Variants in SPTBN5 observed in about 807,000 individuals in gnomAD.
The protein encoded by SPTBN5 is spectrin beta, non-erythrocytic 5.
Under a neutral mutation model 477.6 loss-of-function variants are expected in SPTBN5, and 513 were observed. That is an observed-to-expected ratio of 1.07 (90% CI 1.00 to 1.16). SPTBN5 has a LOEUF of 1.16. Among genes scored for constraint, SPTBN5 ranks in the 50% most tolerant of loss-of-function variants. The pLI is 0.00. For synonymous variants in SPTBN5, 2,169 were observed against 2,011.7 expected, an observed-to-expected ratio of 1.08 and a Z score of -2.09; for missense variants, 5,062 against 4,731.8, an observed-to-expected ratio of 1.07 and a Z score of -2.05.
At chr15:41,887,846 G>T in intron 5 of SPTBN5, 82 bp downstream of exon 5, 1 of 1,396,706 alleles carries the variant, frequency 7.2e-7, no homozygotes. Context: ...TAGGGATGTG[G>T]GAGAACGGGT....
chr15:41,857,284 A>AGT lies in SPTBN5; in HGVS notation c.8573_8574dup (p.Cys2859ThrfsTer21), dbSNP rs1465281202. 7.6e-6 allele frequency: 12 copies of AGT among 1,574,240 alleles called. No individual in the cohort carries two copies. Among genetic ancestry groups the AGT allele is most frequent in the Non-Finnish European group, 1.0e-5 (12 of 1,160,332 alleles). ...TGCTCTTCCACATCTTGGGCAAGGCAGTGGCCTTCCCTCACAAAGGCCTGG... is the reference window on the plus strand; with the variant it reads ...TGCTCTTCCACATCTTGGGCAAGGCAGTGTGGCCTTCCCTCACAAAGGCCTGG... On this transcript the variant is annotated frameshift_variant, in exon 51 of 68. Coordinates refer to ENST00000320955, the MANE Select transcript of SPTBN5 (RefSeq NM_016642.4). LOFTEE classifies it high-confidence loss of function.
chr15:41,851,388 A>G lies in SPTBN5; in HGVS notation c.10657-19T>C. 2.6e-6 allele frequency: 4 copies of G among 1,544,450 alleles called. No homozygotes were observed. The highest frequency in any genetic ancestry group is 3.5e-6 in the Non-Finnish European group (4 of 1,141,624). On this transcript the variant is annotated intron_variant, in intron 63 of 67. Coordinates refer to ENST00000320955, the MANE Select transcript of SPTBN5 (RefSeq NM_016642.4). Reference sequence around the variant, plus strand: ...AGCTAGGCTGTGGAGAGGAGGCGGGAAGGTCGCATGAGCCACACGCAGGAA... The same window carrying G: ...AGCTAGGCTGTGGAGAGGAGGCGGGGAGGTCGCATGAGCCACACGCAGGAA...
At position 41,886,280 on chromosome 15, in the gene SPTBN5, C is replaced by T; in HGVS notation, c.975G>A (p.Lys325=). 1.9e-6 allele frequency: 3 copies of T among 1,613,366 alleles called. No individual in the cohort carries two copies. Among genetic ancestry groups the T allele is most frequent in the Non-Finnish European group, 2.5e-6 (3 of 1,179,896 alleles). The change falls in exon 7 of 68, where the codon AAG becomes AAA. Residue 325 remains lysine, a synonymous_variant. Coordinates refer to ENST00000320955, the MANE Select transcript of SPTBN5 (RefSeq NM_016642.4). ...AATCCCGCGCCTCCAGCTGCATCTG[C>T]TTCTCTGCAATCCAGCGTAGAAGGT... ...VADLLRWIAE[K]QMQLEARDFP...
intron 31 of SPTBN5, 73 bp from the exon 32 acceptor site, chr15:41,870,093 T>A: frequency 6.9e-7 from 1 of 1,450,174 alleles, no homozygotes; most frequent in Non-Finnish European, 9.1e-7. Flanking sequence ...ATCCCTTGCC[T>A]GGGAACTCTG....
intron 26 of SPTBN5, among the ~76,000 whole-genome samples, chr15:41,873,079 G>A (rs977449311): frequency 2.6e-5 from 4 of 152,230 alleles, no homozygotes; most frequent in Non-Finnish European, 4.4e-5. Context: ...GTTTGTGGGA[G>A]GAGGTCGGCT....
intron 4 of SPTBN5, among the ~76,000 whole-genome samples, chr15:41,889,805 G>A (rs2067255176): frequency 6.6e-6 from 1 of 152,244 alleles, no homozygotes; most frequent in Non-Finnish European, 1.5e-5. Context: ...GTGAAAGTGG[G>A]TGCTGGGCAG....
intron 66 of SPTBN5, 66 bp from the exon 67 acceptor site, chr15:41,850,025 G>T: frequency 7.5e-7 from 1 of 1,333,606 alleles, no homozygotes. Context: ...AGGTCTGGCT[G>T]CTCCTTCCTC....
intron 46 of SPTBN5, 124 bp downstream of exon 46, chr15:41,861,295 G>A: frequency 1.2e-6 from 1 of 808,172 alleles, no homozygotes; most frequent in Non-Finnish European, 2.1e-6. Flanking sequence ...TGTGGCCCAG[G>A]GTGGGGAGAT....
rs1398802542 is a variant in SPTBN5 at position 41,863,735 on chromosome 15, A to G, written c.7118T>C (p.Leu2373Pro). Residue 2373 changes from leucine (L) to proline (P), a missense_variant, in exon 41 of 68, where the codon CTG becomes CCG. Leu to Pro is a moderately conservative substitution (Grantham distance 98, BLOSUM62 -3). Coordinates refer to ENST00000320955, the MANE Select transcript of SPTBN5 (RefSeq NM_016642.4). ...ALEIHVLSRE[L>P]DNVTKRIQEK... Reference sequence around the variant, plus strand: ...CTGAATCCTCTTGGTGACATTGTCCAGCTCTCGGGACAACACGTGTATCTC... The same window carrying G: ...CTGAATCCTCTTGGTGACATTGTCCGGCTCTCGGGACAACACGTGTATCTC... 1 of 1,613,508 alleles carries G rather than the reference A, an allele frequency of 6.2e-7. No homozygotes were observed. The highest frequency in any genetic ancestry group is 8.5e-7 in the Non-Finnish European group (1 of 1,179,792).
In SPTBN5 at chr15:41,871,852, C is replaced by A; in HGVS notation, c.5231G>T (p.Gly1744Val). The A allele has an allele frequency of 6.3e-7, 1 of 1,587,384 alleles. No individual in the cohort carries two copies. The highest frequency in any genetic ancestry group is 1.8e-5 in the Admixed American group (1 of 56,762). Reference sequence around the variant, plus strand: ...TGCCTGCTTCTGGCTTGCCAGCCAGCCCTGCAGGTCCTCAGCCTCCCTCAG... The same window carrying A: ...TGCCTGCTTCTGGCTTGCCAGCCAGACCTGCAGGTCCTCAGCCTCCCTCAG... ...EFLREAEDLQ[G>V]WLASQKQAAK... The change falls in exon 28 of 68, where the codon GGC (glycine) becomes GTC (valine). Residue 1744 changes from glycine to valine, a missense_variant. Gly to Val is a moderately radical substitution (Grantham distance 109). Coordinates refer to ENST00000320955, the MANE Select transcript of SPTBN5 (RefSeq NM_016642.4).
intron 65 of SPTBN5, 36 bp downstream of exon 65, chr15:41,851,023 T>C: frequency 6.2e-7 from 1 of 1,600,626 alleles, no homozygotes; most frequent in Non-Finnish European, 8.5e-7. Context: ...AGGTGGCTGC[T>C]GGGGGTGATG....
Position 41,854,972 on chromosome 15 carries a change from A to G in SPTBN5, c.9428T>C (p.Leu3143Pro). The G allele has an allele frequency of 1.9e-6, 3 of 1,540,440 alleles. No homozygotes were observed. Among genetic ancestry groups the G allele is most frequent in the African/African-American group, 1.4e-5 (1 of 72,536 alleles). Residue 3143 changes from leucine to proline, a missense_variant, in exon 56 of 68, where the codon CTG becomes CCG. Coordinates refer to ENST00000320955, the MANE Select transcript of SPTBN5 (RefSeq NM_016642.4). ...TCTGAAAGCATCAAACTTCTCTTCC[A>G]GCACCTGCAAAGGTATGAGGCCCAG... ...YGQDLEGVKV[L>P]EEKFDAFRKE...
intron 67 of SPTBN5, among the ~76,000 whole-genome samples, chr15:41,849,015 G>A (rs2065653095): frequency 6.6e-6 from 1 of 152,194 alleles, no homozygotes; most frequent in African/African-American, 2.4e-5. Context: ...GGTTACACTG[G>A]AGACCACAGC....
At chr15:41,877,567 G>A (rs1040696031) in intron 17 of SPTBN5, among the ~76,000 whole-genome samples, 8 of 152,220 alleles carry the variant, frequency 5.3e-5, no homozygotes, top group African/African-American at 9.6e-5. Context: ...GCCGATGCCC[G>A]GCCTAGAGGA....
chr15:41,879,012 G>A (rs2140955324), intron 16 of SPTBN5, among the ~76,000 whole-genome samples: 1 of 152,290 alleles, frequency 6.6e-6, no homozygotes, highest in South Asian at 2.1e-4. Context: ...CTTCCAGTGA[G>A]CCGAGATCAC....
chr15:41,877,072 A>G, intron 18 of SPTBN5, 44 bp downstream of exon 18: 1 of 1,609,920 alleles, frequency 6.2e-7, no homozygotes. Context: ...AGCTCCCTCC[A>G]GTGATGGGGA....
Position 41,855,653 on chromosome 15 carries a change from C to T in SPTBN5, c.9114G>A (p.Leu3038=), listed in dbSNP as rs754794632. 2 of 1,608,258 alleles carry T rather than the reference C, an allele frequency of 1.2e-6. No homozygotes were observed. Among genetic ancestry groups the T allele is most frequent in the African/African-American group, 2.7e-5 (2 of 74,906 alleles). The change falls in exon 54 of 68, where the codon CTG becomes CTA. Residue 3038 remains leucine, a synonymous_variant. Coordinates refer to ENST00000320955, the MANE Select transcript of SPTBN5 (RefSeq NM_016642.4). ...GHSAEATQAL[L]RRLEATKRDL... ...CTCTCTTGGTGGCCTCCAGCCGCCG[C>T]AGAAGGGCCTGTGTGGCTTCAGCAC...
rs1302459799 is a variant in SPTBN5 at position 41,856,893 on chromosome 15, T to C, written c.8768A>G (p.Gln2923Arg). The change falls in exon 52 of 68, where the codon CAG becomes CGG. Residue 2923 changes from glutamine (Q) to arginine (R), a missense_variant. Transcript: ENST00000320955. ...CAGGTGCCGCACCGCACTCAGGCTC[T>C]GGCCATAGTCCTGGGCAGCGGCCAG... ...LPLAAAQDYG[Q>R]SLSAVRHLQE... The C allele has an allele frequency of 2.6e-6, 4 of 1,551,796 alleles. No individual in the cohort carries two copies. Among genetic ancestry groups the C allele is most frequent in the Non-Finnish European group, 2.6e-6 (3 of 1,147,668 alleles).
At chr15:41,859,117 C>T in intron 47 of SPTBN5, 137 bp from the exon 48 acceptor site, 1 of 616,000 alleles carries the variant, frequency 1.6e-6, no homozygotes, top group Non-Finnish European at 2.6e-6. Flanking sequence ...TTGCACTCCC[C>T]CTCTGTATTT....
Sources: gnomAD v4.1 joint callset for allele counts (sites outside exome capture counted in the v4.1 genomes callset) on GRCh38, gnomAD v4.1.1 for gene constraint, MANE v1.5 for transcripts, NCBI Gene and HGNC (gene_info 2026-07-23, HGNC 2026-07-21) for gene names.